The following RASSF3 variants were observed in gnomAD, a reference collection of about 807,000 sequenced individuals.
The protein encoded by RASSF3 is Ras association domain family member 3.
RASSF3 carries 19 observed loss-of-function variants against 19.9 expected under a neutral mutation model. The ratio of observed to expected loss-of-function variants is 0.96; its 90% CI spans 0.67 to 1.40. RASSF3 has a LOEUF of 1.40. Among genes scored for constraint, RASSF3 ranks in the 40% most tolerant of loss-of-function variants. The pLI, the probability that RASSF3 is intolerant of heterozygous loss-of-function variation, is 0.00. For missense variants in RASSF3, 306 were observed against 289.8 expected, an observed-to-expected ratio of 1.06 and a Z score of -0.41; for synonymous variants, 110 against 104.2, an observed-to-expected ratio of 1.06 and a Z score of -0.34.
intron 1 of RASSF3, among the ~76,000 whole-genome samples, chr12:64,612,859 T>G (rs1870419490): frequency 6.6e-6 from 1 of 152,316 alleles, no homozygotes; most frequent in African/African-American, 2.4e-5. Flanking sequence ...ATTTAGCATT[T>G]AGAATTAGTC....
upstream of RASSF3, among the ~76,000 whole-genome samples, chr12:64,606,973 A>T (rs562853950): frequency 1.6e-3 from 249 of 152,254 alleles, 2 homozygotes; most frequent in Non-Finnish European, 2.6e-3. Context: ...TAAATTCACA[A>T]TATTTTAATT....
intron 1 of RASSF3, among the ~76,000 whole-genome samples, chr12:64,645,296 T>C (rs1871689831): frequency 6.6e-6 from 1 of 152,206 alleles, no homozygotes; most frequent in African/African-American, 2.4e-5. Context: ...TCACAGTAAC[T>C]CTATGAGGGA....
chr12:64,535,283 T>G (rs1252244069), intron 1 of RASSF3, among the ~76,000 whole-genome samples: 1 of 151,488 alleles, frequency 6.6e-6, no homozygotes, highest in East Asian at 1.9e-4. Flanking sequence ...GCCACTGCAC[T>G]CCAGCTTAGT....
chr12:64,661,677 C>CTTTTTTTTTTTTT (rs71092993), intron 1 of RASSF3, among the ~76,000 whole-genome samples: 47 of 78,928 alleles, frequency 6.0e-4, no homozygotes, highest in Non-Finnish European at 7.9e-4. Flanking sequence ...TTTTCTTTTT[C>CTTTTTTTTTTTTT]TTTTTTTTTT....
At chr12:64,671,293 G>A (rs1202799351) in intron 1 of RASSF3, among the ~76,000 whole-genome samples, 4 of 152,180 alleles carry the variant, frequency 2.6e-5, no homozygotes, top group Admixed American at 1.3e-4. Context: ...GATCGGGGCT[G>A]GTCCTGGGTC....
At chr12:64,624,869 G>A (rs1870930085) in intron 1 of RASSF3, among the ~76,000 whole-genome samples, 1 of 150,150 alleles carries the variant, frequency 6.7e-6, no homozygotes, top group Non-Finnish European at 1.5e-5. Context: ...GGGTTTGACT[G>A]TGTTAGCCAG....
chr12:64,520,877 A>C (rs1016529758), intron 1 of RASSF3, among the ~76,000 whole-genome samples: 2 of 152,106 alleles, frequency 1.3e-5, no homozygotes, highest in Non-Finnish European at 2.9e-5. Flanking sequence ...GCTAGAGATG[A>C]CCTTTCTTTA....
rs1412016470 is a variant in RASSF3 at position 64,688,468 on chromosome 12, TA to T, written c.457+19del. The T allele has an allele frequency of 1.3e-6, 2 of 1,569,202 alleles. No individual in the cohort carries two copies. The highest frequency in any genetic ancestry group is 2.7e-5 in the African/African-American group (2 of 73,890). ...GGAAGACCAAGGTACGCTGCCAGCT[TA>T]AAAGGAAAATGGTCTGTGCTTCTAC... On this transcript the variant is annotated intron_variant, in intron 3 of 4. Transcript: ENST00000542104.
At chr12:64,620,659 A>G (rs1459703568) in intron 1 of RASSF3, among the ~76,000 whole-genome samples, 1 of 152,136 alleles carries the variant, frequency 6.6e-6, no homozygotes, top group African/African-American at 2.4e-5. Context: ...GGAGGTTTCT[A>G]ATTTTTGCTA....
intron 2 of RASSF3, among the ~76,000 whole-genome samples, chr12:64,578,768 G>T (rs937191810): frequency 6.6e-6 from 1 of 152,188 alleles, no homozygotes; most frequent in East Asian, 1.9e-4. Context: ...TTGACTACTC[G>T]CCTACACTGC....
chr12:64,689,356 A>G (rs1873488526), intron 3 of RASSF3, among the ~76,000 whole-genome samples: 1 of 152,142 alleles, frequency 6.6e-6, no homozygotes, highest in Non-Finnish European at 1.5e-5. Flanking sequence ...GTTACACAGG[A>G]TGAAACCCAG....
intron 2 of RASSF3, chr12:64,599,130 G>A (rs1870045041): frequency 6.6e-6 from 1 of 152,204 alleles, no homozygotes; most frequent in African/African-American, 2.4e-5. Flanking sequence ...CGTGGCTGCA[G>A]AGATGACATG....
intron 1 of RASSF3, among the ~76,000 whole-genome samples, chr12:64,667,782 C>G (rs757526858): frequency 9.9e-5 from 15 of 152,184 alleles, no homozygotes; most frequent in Non-Finnish European, 1.8e-4. Context: ...AAGTGGCCTT[C>G]CTGAGGCTCA....
chr12:64,595,064 CTTTTTTTTTTTTT>C, intron 2 of RASSF3, among the ~76,000 whole-genome samples: 1 of 90,990 alleles, frequency 1.1e-5, no homozygotes, highest in East Asian at 3.5e-4. Context: ...CATATGAAAT[CTTTTTTTTTTTTT>C]TTTTTTTTTT....
intron 1 of RASSF3, among the ~76,000 whole-genome samples, chr12:64,655,661 T>C (rs554055074): frequency 4.6e-5 from 7 of 152,094 alleles, no homozygotes; most frequent in Non-Finnish European, 8.8e-5. Context: ...TTGTTTTAAT[T>C]GTATAAGATA....
At chr12:64,574,425 A>G (rs559316554) in intron 2 of RASSF3, among the ~76,000 whole-genome samples, 3 of 152,326 alleles carry the variant, frequency 2.0e-5, no homozygotes, top group African/African-American at 7.2e-5. Context: ...ATATAAAATA[A>G]CATATAGTAG....
chr12:64,570,701 C>G (rs899727587), intron 2 of RASSF3, among the ~76,000 whole-genome samples: 4 of 152,188 alleles, frequency 2.6e-5, no homozygotes, highest in African/African-American at 9.7e-5. Flanking sequence ...CACCCCATCC[C>G]TCCTATCGTA....
chr12:64,584,541 C>A (rs1479353164), intron 2 of RASSF3, among the ~76,000 whole-genome samples: 1 of 148,520 alleles, frequency 6.7e-6, no homozygotes, highest in Non-Finnish European at 1.5e-5. Context: ...AAAGTCAGTG[C>A]TCTATTTCTG....
intron 1 of RASSF3, among the ~76,000 whole-genome samples, chr12:64,509,648 AT>A (rs760462964): frequency 4.3e-4 from 66 of 152,292 alleles, no homozygotes; most frequent in Non-Finnish European, 4.7e-4. Flanking sequence ...TATTTTACTT[AT>A]AGCCTTCATC....
Sources: gnomAD v4.1 joint callset for allele counts (sites outside exome capture counted in the v4.1 genomes callset) on GRCh38, gnomAD v4.1.1 for gene constraint, MANE v1.5 for transcripts, NCBI Gene and HGNC (gene_info 2026-07-23, HGNC 2026-07-21) for gene names.